The following SLC2A12 variants were observed in gnomAD, a reference collection of about 807,000 sequenced individuals.
The protein encoded by SLC2A12 is solute carrier family 2, facilitated glucose transporter member 12.
SLC2A12 carries 23 observed loss-of-function variants against 41.8 expected under a neutral mutation model. That is an observed-to-expected ratio of 0.55 (90% CI 0.40 to 0.78). The LOEUF (loss-of-function observed/expected upper bound fraction) is 0.78. SLC2A12 is among the 30% of genes least tolerant of loss of function. The probability of loss-of-function intolerance (pLI) is 0.00; values close to 1 mark genes in which losing one functional copy is unlikely to be tolerated. For synonymous variants in SLC2A12, 295 were observed against 285.9 expected, an observed-to-expected ratio of 1.03 and a Z score of -0.32; for missense variants, 654 against 745.6, an observed-to-expected ratio of 0.88 and a Z score of 1.43.
At chr6:134,038,861 C>T (rs755072771) in intron 1 of SLC2A12, among the ~76,000 whole-genome samples, 2 of 151,826 alleles carry the variant, frequency 1.3e-5, no homozygotes, top group African/African-American at 2.4e-5. Context: ...CCTATCACCA[C>T]GCCTGGCTAA....
intron 2 of SLC2A12, among the ~76,000 whole-genome samples, chr6:134,016,982 A>G (rs773039919): frequency 1.0e-4 from 14 of 137,816 alleles, no homozygotes; most frequent in Non-Finnish European, 1.8e-4. Context: ...ATTTCCTCCA[A>G]TCTTTTTGGT....
At chr6:134,028,099 T>A (rs72984225) in intron 2 of SLC2A12, among the ~76,000 whole-genome samples, 7 of 152,298 alleles carry the variant, frequency 4.6e-5, no homozygotes, top group Admixed American at 3.9e-4. Context: ...GCAATGTAAT[T>A]CCCTTGGGCA....
chr6:133,990,914 T>A lies in SLC2A12; in HGVS notation c.*241A>T. ...TATTAAACCAGCCAGTAACTTTTTT[T>A]TTTTAACCTGATATCCTGCTCAGAA... On this transcript the variant is annotated 3_prime_UTR_variant, in exon 5 of 5. Coordinates refer to ENST00000275230, the MANE Select transcript of SLC2A12 (RefSeq NM_145176.3). The A allele has an allele frequency of 2.5e-6, 1 of 393,568 alleles. No individual in the cohort carries two copies. Among genetic ancestry groups the A allele is most frequent in the Non-Finnish European group, 4.5e-6 (1 of 224,236 alleles). 24.4% of individuals were successfully genotyped at this position (393,568 alleles called of 1,614,324 possible). A position where few individuals can be genotyped will look rare whatever the true frequency, so the allele number is the denominator to read the frequency against.
intron 1 of SLC2A12, among the ~76,000 whole-genome samples, chr6:134,046,960 G>A (rs1390890338): frequency 6.6e-6 from 1 of 152,156 alleles, no homozygotes; most frequent in Non-Finnish European, 1.5e-5. Context: ...TTACTCTAAA[G>A]GTAATATATT....
At chr6:134,024,231 A>G (rs183877769) in intron 2 of SLC2A12, among the ~76,000 whole-genome samples, 5 of 152,202 alleles carry the variant, frequency 3.3e-5, no homozygotes, top group Non-Finnish European at 7.3e-5. Context: ...TGAGTGCTGC[A>G]GTTTCCTCCC....
At chr6:134,020,364 ACT>A (rs778611397) in intron 2 of SLC2A12, among the ~76,000 whole-genome samples, 14 of 152,032 alleles carry the variant, frequency 9.2e-5, no homozygotes, top group Non-Finnish European at 2.1e-4. Context: ...CAAGCAATAA[ACT>A]CTCTAAATAC....
chr6:134,018,753 AT>A lies in SLC2A12; in HGVS notation c.1444+9627del, dbSNP rs56773136. Among the ~76,000 whole-genome samples, 5 of 150,118 alleles carry A rather than the reference AT, an allele frequency of 3.3e-5. No individual in the cohort carries two copies. In the South Asian group the frequency reaches 6.3e-4, roughly 19 times the overall value. On this transcript the variant is annotated intron_variant, in intron 2 of 4. Transcript: ENST00000275230. The stretch of plus-strand genomic sequence containing the variant: ...CTGAAACTGTATCATAGGTGTGTTC[AT>A]TTTTTTTTTCTTTTCGTCTGTCCCT...
intron 3 of SLC2A12, among the ~76,000 whole-genome samples, chr6:134,005,956 C>T (rs229916): frequency 6.6e-6 from 1 of 151,322 alleles, no homozygotes; most frequent in African/African-American, 2.4e-5. Context: ...GGATCACTTG[C>T]GGTCAGGAGT....
chr6:134,050,919 C>A (rs1453087562), intron 1 of SLC2A12, among the ~76,000 whole-genome samples: 1 of 151,518 alleles, frequency 6.6e-6, no homozygotes, highest in Non-Finnish European at 1.5e-5. Flanking sequence ...CCCAGATATT[C>A]TTTTATTATT....
chr6:134,032,983 A>G (rs1309466191), intron 1 of SLC2A12, among the ~76,000 whole-genome samples: 1 of 151,438 alleles, frequency 6.6e-6, no homozygotes, highest in Non-Finnish European at 1.5e-5. Context: ...CAACAGAGGG[A>G]AGAGTATTTC....
intron 4 of SLC2A12, among the ~76,000 whole-genome samples, chr6:133,999,357 A>G (rs945300002): frequency 6.6e-6 from 1 of 152,230 alleles, no homozygotes; most frequent in Non-Finnish European, 1.5e-5. Context: ...TCAAGAAAGA[A>G]TAGGTTTGAT....
At chr6:134,024,649 A>T (rs1345076372) in intron 2 of SLC2A12, among the ~76,000 whole-genome samples, 1 of 152,222 alleles carries the variant, frequency 6.6e-6, no homozygotes, top group East Asian at 1.9e-4. Context: ...TTTCCAAGGG[A>T]CCATTAGCTC....
At chr6:134,008,699 T>C (rs1425534318) in intron 2 of SLC2A12, among the ~76,000 whole-genome samples, 1 of 152,240 alleles carries the variant, frequency 6.6e-6, no homozygotes, top group Non-Finnish European at 1.5e-5. Context: ...GCCTTTGTAA[T>C]GAAGACCTGT....
rs781458726 is a variant in SLC2A12, at chr6:134,028,807, G to A, written c.1018C>T (p.His340Tyr). ...CAGAGGAATGTTTTGCTGCCGACAT[G>A]GTCTACAAGAAGAGTGGCAGGGATG... ...STIPATLLVD[H>Y]VGSKTFLCIG... Residue 340 changes from histidine (H) to tyrosine (Y), a missense_variant, in exon 2 of 5, where the codon CAT becomes TAT. Physicochemically the swap from His to Tyr is moderately conservative, Grantham distance 83. Transcript: ENST00000275230. The A allele has an allele frequency of 1.9e-6, 3 of 1,614,192 alleles. No individual in the cohort carries two copies. The highest frequency in any genetic ancestry group is 1.3e-5 in the African/African-American group (1 of 75,054).
chr6:134,025,305 C>T (rs1426574454), intron 2 of SLC2A12, among the ~76,000 whole-genome samples: 1 of 152,154 alleles, frequency 6.6e-6, no homozygotes, highest in Non-Finnish European at 1.5e-5. Flanking sequence ...TCATTTATTT[C>T]AGCAAGTCAC....
intron 4 of SLC2A12, among the ~76,000 whole-genome samples, chr6:133,997,085 CAAAAAAAAA>C (rs58295985): frequency 8.5e-5 from 6 of 70,716 alleles, no homozygotes; most frequent in East Asian, 8.3e-4. Context: ...ACTAAAAATA[CAAAAAAAAA>C]AAAAAAAAAA....
At position 134,032,456 on chromosome 6, in the gene SLC2A12, ATATATATATTTT is replaced by A. The variant is rs1268629165; in HGVS notation, c.104-2747_104-2736del. Among the ~76,000 whole-genome samples the A allele has an allele frequency of 4.5e-3, 164 of 36,184 alleles. 1 individual carries two copies. Among genetic ancestry groups the A allele is most frequent in the Middle Eastern group, 0.018 (1 of 56 alleles). 23.7% of individuals were successfully genotyped at this position (36,184 alleles called of 152,430 possible). A position where few individuals can be genotyped will look rare whatever the true frequency, so the allele number is the denominator to read the frequency against. ...TATATATATATATATATAAATATAT[ATATATATATTTT>A]TATATATATATATATATATTTGTTC... On this transcript the variant is annotated intron_variant, in intron 1 of 4. Coordinates refer to ENST00000275230, the MANE Select transcript of SLC2A12 (RefSeq NM_145176.3).
At position 133,989,685 on chromosome 6, in the gene SLC2A12, C is replaced by T. The variant is rs947490083; in HGVS notation, c.*1470G>A. On this transcript the variant is annotated 3_prime_UTR_variant, in exon 5 of 5. Transcript: ENST00000275230. ...AGATCCAGGCCTTTTAGTCAGTCTC[C>T]TGAGTCTCTGATATAGTTTTACTAC... The T allele has an allele frequency of 1.3e-5, 2 of 152,098 alleles. No homozygotes were observed. The highest frequency in any genetic ancestry group is 4.8e-5 in the African/African-American group (2 of 41,412). The allele number at this position is 152,098 out of a possible 1,614,324, so 9.4% of individuals were successfully genotyped here.
Position 134,043,220 on chromosome 6 carries a change from C to T in SLC2A12, c.103+9158G>A, listed in dbSNP as rs9493806. ...TTGGAGCAGGGATAAGAGAAAAGACCAGTTGCTGGAAGTGGAGGGCAAGGA... is the reference window on the plus strand; with the variant it reads ...TTGGAGCAGGGATAAGAGAAAAGACTAGTTGCTGGAAGTGGAGGGCAAGGA... On this transcript the variant is annotated intron_variant, in intron 1 of 4. Coordinates refer to ENST00000275230, the MANE Select transcript of SLC2A12 (RefSeq NM_145176.3). Among the ~76,000 whole-genome samples the T allele has an allele frequency of 8.2e-3, 1,242 of 152,114 alleles. 15 individuals carry two copies. Among genetic ancestry groups the T allele is most frequent in the African/African-American group, 0.027 (1,131 of 41,500 alleles).
Sources: gnomAD v4.1 joint callset for allele counts (sites outside exome capture counted in the v4.1 genomes callset) on GRCh38, gnomAD v4.1.1 for gene constraint, MANE v1.5 for transcripts, NCBI Gene and HGNC (gene_info 2026-07-23, HGNC 2026-07-21) for gene names.